The following ATG4C variants were observed in gnomAD, a reference collection of about 807,000 sequenced individuals.
The protein encoded by ATG4C is cysteine protease ATG4C.
Under a neutral mutation model 57.6 loss-of-function variants are expected in ATG4C, and 56 were observed. That is an observed-to-expected ratio of 0.97 (90% CI 0.78 to 1.21). ATG4C has a LOEUF of 1.21. ATG4C is among the 50% of genes most tolerant of loss of function. The probability of loss-of-function intolerance (pLI) is 0.00; values close to 1 mark genes in which losing one functional copy is unlikely to be tolerated. For synonymous variants in ATG4C, 157 were observed against 174.1 expected (o/e 0.90, Z 0.78); for missense variants, 595 against 529.8 (o/e 1.12, Z -1.21).
At chr1:62,832,120 T>C (rs959273071) in intron 7 of ATG4C, among the ~76,000 whole-genome samples, 10 of 152,220 alleles carry the variant, frequency 6.6e-5, no homozygotes, top group Admixed American at 6.5e-4. Context: ...TATTACTGTT[T>C]AGTGAGATTT....
chr1:62,829,103 A>G lies in ATG4C; in HGVS notation c.860A>G (p.Lys287Arg), dbSNP rs772053219. 6.2e-7 allele frequency: 1 copy of G among 1,613,066 alleles called. No individual in the cohort carries two copies. ...ATGACTTCTGATAATGCAGATGACA[A>G]AGCTGTTATTATTCTAGTTCCTGTT... ...ASMTSDNADDKAVIILVPVRL... is the reference protein window; with the variant it reads ...ASMTSDNADDRAVIILVPVRL... The change falls in exon 7 of 11, where the codon AAA becomes AGA. Residue 287 changes from lysine to arginine, a missense_variant. Physicochemically the swap from Lys to Arg is conservative, Grantham distance 26. Coordinates refer to ENST00000317868, the MANE Select transcript of ATG4C (RefSeq NM_032852.4).
intron 10 of ATG4C, among the ~76,000 whole-genome samples, chr1:62,859,166 G>A (rs1484188318): frequency 6.6e-6 from 1 of 152,064 alleles, no homozygotes; most frequent in Non-Finnish European, 1.5e-5. Flanking sequence ...GATACTAAAA[G>A]GAAATGCTGT....
intron 10 of ATG4C, among the ~76,000 whole-genome samples, chr1:62,861,734 A>C (rs1225330838): frequency 6.6e-6 from 1 of 152,116 alleles, no homozygotes; most frequent in African/African-American, 2.4e-5. Context: ...ATTTTAACAT[A>C]ATTGAAACTA....
intron 1 of ATG4C, among the ~76,000 whole-genome samples, chr1:62,795,018 C>T (rs993073940): frequency 2.6e-5 from 4 of 152,190 alleles, no homozygotes; most frequent in African/African-American, 9.7e-5. Context: ...GCTAAAAGCA[C>T]ATCCAAAATT....
chr1:62,814,268 A>C (rs1665189409), intron 3 of ATG4C, among the ~76,000 whole-genome samples: 1 of 152,258 alleles, frequency 6.6e-6, no homozygotes, highest in African/African-American at 2.4e-5. Context: ...TGCAGCCATA[A>C]CAAATGATAA....
chr1:62,792,956 G>A (rs909750046), intron 1 of ATG4C, among the ~76,000 whole-genome samples: 7 of 150,972 alleles, frequency 4.6e-5, no homozygotes, highest in African/African-American at 7.3e-5. Context: ...GCGCGATGTC[G>A]GCTCACTGCA....
rs149964735 is a variant in ATG4C, at chr1:62,812,211, G to A, written c.161-4364G>A. Among the ~76,000 whole-genome samples the A allele has an allele frequency of 1.7e-3, 256 of 152,124 alleles. 1 individual carries two copies. The highest frequency in any genetic ancestry group is 5.9e-3 in the African/African-American group (245 of 41,496). On this transcript the variant is annotated intron_variant, in intron 3 of 10. Coordinates refer to ENST00000317868, the MANE Select transcript of ATG4C (RefSeq NM_032852.4). The stretch of plus-strand genomic sequence containing the variant: ...CAATATCCCTGATCAACATTGATGC[G>A]AAAATCCTCAATAAAATACTGGCAA...
intron 2 of ATG4C, among the ~76,000 whole-genome samples, chr1:62,804,280 T>C (rs1664783110): frequency 6.6e-6 from 1 of 151,832 alleles, no homozygotes; most frequent in African/African-American, 2.4e-5. Context: ...TTAGTAGAGA[T>C]TGGGTTTCAC....
intron 10 of ATG4C, among the ~76,000 whole-genome samples, chr1:62,843,196 A>G (rs1397751869): frequency 1.3e-5 from 2 of 152,234 alleles, no homozygotes; most frequent in Non-Finnish European, 1.5e-5. Flanking sequence ...TTTTCTAATT[A>G]AAGACACTTA....
chr1:62,830,479 G>T (rs866390281), intron 7 of ATG4C, among the ~76,000 whole-genome samples: 1 of 152,114 alleles, frequency 6.6e-6, no homozygotes, highest in Non-Finnish European at 1.5e-5. Context: ...TGGTGGAATG[G>T]GTTGCAAATG....
At chr1:62,851,725 T>C (rs1271100057) in intron 10 of ATG4C, among the ~76,000 whole-genome samples, 1 of 151,716 alleles carries the variant, frequency 6.6e-6, no homozygotes, top group Non-Finnish European at 1.5e-5. Context: ...TTAAAAAAAA[T>C]AAATAGCTAC....
At chr1:62,784,481 G>A (rs2100267819) in intron 1 of ATG4C, among the ~76,000 whole-genome samples, 1 of 152,258 alleles carries the variant, frequency 6.6e-6, no homozygotes, top group South Asian at 2.1e-4. Flanking sequence ...GTCCTGGGTT[G>A]CAGAGATAAA....
At chr1:62,800,399 ACTT>A (rs1381808289) in intron 1 of ATG4C, among the ~76,000 whole-genome samples, 1 of 152,098 alleles carries the variant, frequency 6.6e-6, no homozygotes, top group Non-Finnish European at 1.5e-5. Context: ...ATTTTGCTGT[ACTT>A]CTTTCTTACT....
At chr1:62,788,300 TA>T (rs923589490) in intron 1 of ATG4C, among the ~76,000 whole-genome samples, 19 of 152,256 alleles carry the variant, frequency 1.2e-4, no homozygotes, top group African/African-American at 4.3e-4. Context: ...TTCAAACCTG[TA>T]AAAACATTGA....
In ATG4C at chr1:62,791,032, G is replaced by A. The variant is rs559011140; in HGVS notation, c.-69+6759G>A. Among the ~76,000 whole-genome samples the A allele has an allele frequency of 3.9e-5, 6 of 152,236 alleles. No individual in the cohort carries two copies. The South Asian group carries it at 1.2e-3, about 32-fold the overall frequency. ...TGTTAAGTCCTTCTTTGTATTTGAA[G>A]AATACTTGTTGTGACTGTATTTTAC... is the stretch of plus-strand genomic sequence containing the variant. On this transcript the variant is annotated intron_variant, in intron 1 of 10. Coordinates refer to ENST00000317868, the MANE Select transcript of ATG4C (RefSeq NM_032852.4).
Position 62,834,246 on chromosome 1 carries a change from A to G in ATG4C, c.1012+130A>G, listed in dbSNP as rs988186792. 8 of 672,050 alleles carry G rather than the reference A, an allele frequency of 1.2e-5. No individual in the cohort carries two copies. In the South Asian group the frequency reaches 1.9e-4, roughly 16 times the overall value. 41.6% of individuals were successfully genotyped at this position (672,050 alleles called of 1,614,324 possible). ...ACCTTATACATTCATCAGTCCTACT[A>G]TAGCCACTCATTTGTCATTTGGTCC... is the stretch of plus-strand genomic sequence containing the variant. On this transcript the variant is annotated intron_variant, in intron 8 of 10. Coordinates refer to ENST00000317868, the MANE Select transcript of ATG4C (RefSeq NM_032852.4).
At chr1:62,808,997 A>G (rs1289420845) in intron 3 of ATG4C, among the ~76,000 whole-genome samples, 2 of 152,110 alleles carry the variant, frequency 1.3e-5, no homozygotes, top group African/African-American at 4.8e-5. Flanking sequence ...CAGTGTCCCA[A>G]TCACGGCTCA....
chr1:62,784,840 AC>A (rs1373833366), intron 1 of ATG4C, among the ~76,000 whole-genome samples: 3 of 151,992 alleles, frequency 2.0e-5, no homozygotes, highest in Non-Finnish European at 4.4e-5. Context: ...TCCCAACCCT[AC>A]CCACATCTAA....
chr1:62,802,076 C>A (rs1664697713), intron 1 of ATG4C, among the ~76,000 whole-genome samples: 2 of 151,428 alleles, frequency 1.3e-5, no homozygotes, highest in Admixed American at 6.6e-5. Context: ...TCTTCTCCCT[C>A]TAACCTCTCC....
Sources: allele counts gnomAD v4.1 joint callset (sites outside exome capture counted in the v4.1 genomes callset), GRCh38; gene constraint gnomAD v4.1.1; transcripts MANE v1.5; gene names NCBI Gene and HGNC (gene_info 2026-07-23, HGNC 2026-07-21).